The following KLHL32 variants were observed in gnomAD, a reference collection of about 807,000 sequenced individuals.
The protein encoded by KLHL32 is kelch-like protein 32.
KLHL32 carries 35 observed loss-of-function variants against 64.8 expected under a neutral mutation model. The observed-to-expected ratio is 0.54, with a 90% CI of 0.41 to 0.72. The LOEUF is 0.72. Ranked by LOEUF, KLHL32 falls within the 30% of genes least tolerant of loss-of-function variation. KLHL32 has a pLI of 0.00. For synonymous variants in KLHL32, 259 were observed against 281.0 expected, an observed-to-expected ratio of 0.92 and a Z score of 0.78; for missense variants, 589 against 768.5, an observed-to-expected ratio of 0.77 and a Z score of 2.76.
chr6:97,073,116 T>G (rs1163406553), intron 5 of KLHL32, among the ~76,000 whole-genome samples: 1 of 152,206 alleles, frequency 6.6e-6, no homozygotes, highest in Admixed American at 6.5e-5. Context: ...ATTCCTCTAT[T>G]AATTCCACAG....
At chr6:96,918,145 G>T in the KLHL32 span, among the ~76,000 whole-genome samples, 1 of 152,232 alleles carries the variant, frequency 6.6e-6, no homozygotes, top group Non-Finnish European at 1.5e-5. Context: ...AAAACGGAAA[G>T]AGCTGCTGTC....
chr6:97,017,781 A>G (rs1427348665), intron 3 of KLHL32, among the ~76,000 whole-genome samples: 1 of 152,134 alleles, frequency 6.6e-6, no homozygotes, highest in African/African-American at 2.4e-5. Context: ...GTATGACTAG[A>G]AGGACACAAT....
At chr6:96,990,566 G>A (rs187427984) in intron 3 of KLHL32, among the ~76,000 whole-genome samples, 3 of 152,316 alleles carry the variant, frequency 2.0e-5, no homozygotes, top group Non-Finnish European at 2.9e-5. Flanking sequence ...GCACACTGCA[G>A]CTCTGGGGTG....
rs1174121617 is a variant in KLHL32, at chr6:96,966,921, T to G, written c.-65-75T>G. ...CTGTCTCCCTGGAATTCAGAAACTT[T>G]AGCATCAGGAAGACCCAGAGTGTGC... On this transcript the variant is annotated intron_variant, in intron 1 of 10. Transcript: ENST00000369261. 10 of 672,690 alleles carry G rather than the reference T, an allele frequency of 1.5e-5. No homozygotes were observed. The East Asian group carries it at 2.5e-4, about 17-fold the overall frequency. 41.7% of individuals were successfully genotyped at this position (672,690 alleles called of 1,614,324 possible).
Position 97,118,746 on chromosome 6 carries a change from T to A in KLHL32, c.1354+4237T>A, listed in dbSNP as rs143969027. On this transcript the variant is annotated intron_variant, in intron 7 of 10. Coordinates refer to ENST00000369261, the MANE Select transcript of KLHL32 (RefSeq NM_052904.4). ...ACACACAAAACTTGTGCTGCATTTC[T>A]TATCCATGATGAGATGCTGAGCTCA... Among the ~76,000 whole-genome samples, 423 of 152,266 alleles carry A rather than the reference T, an allele frequency of 2.8e-3. 1 individual carries two copies. The highest frequency in any genetic ancestry group is 0.017 in the Middle Eastern group (5 of 290).
At chr6:96,979,477 A>G (rs986901562) in intron 3 of KLHL32, among the ~76,000 whole-genome samples, 3 of 152,078 alleles carry the variant, frequency 2.0e-5, no homozygotes, top group Non-Finnish European at 4.4e-5. Context: ...TGGGCTCTCT[A>G]TTCTGTTCCA....
chr6:96,966,355 A>G (rs2128032403), intron 1 of KLHL32, among the ~76,000 whole-genome samples: 1 of 152,348 alleles, frequency 6.6e-6, no homozygotes, highest in Non-Finnish European at 1.5e-5. Context: ...GGCAGGGACT[A>G]AATGAATAAA....
intron 6 of KLHL32, among the ~76,000 whole-genome samples, chr6:97,103,432 C>G (rs895963464): frequency 2.2e-4 from 33 of 152,130 alleles, no homozygotes; most frequent in African/African-American, 7.7e-4. Context: ...CCAGGATGGT[C>G]TCGATCTCCT....
At chr6:96,980,187 T>G (rs1172530514) in intron 3 of KLHL32, among the ~76,000 whole-genome samples, 1 of 152,200 alleles carries the variant, frequency 6.6e-6, no homozygotes, top group Non-Finnish European at 1.5e-5. Flanking sequence ...TGGCTAGGAC[T>G]TCCAGTACTA....
chr6:96,992,472 G>C (rs376665248), intron 3 of KLHL32, among the ~76,000 whole-genome samples: 2 of 152,222 alleles, frequency 1.3e-5, no homozygotes, highest in Non-Finnish European at 1.5e-5. Flanking sequence ...TTCTCTCTCT[G>C]AGAGCAATGC....
rs148102038 is a variant in KLHL32, at chr6:96,959,502, G to A, written c.-65-7494G>A. 4.6e-5 allele frequency among the ~76,000 whole-genome samples: 7 copies of A among 152,228 alleles called. No homozygotes were observed. In the East Asian group the frequency reaches 9.6e-4, roughly 21 times the overall value. The stretch of plus-strand genomic sequence containing the variant: ...CTGCCTTCTCCCTGTGTCCTCACGC[G>A]GTCTTTCATTTGTATTTGCATGTGT... On this transcript the variant is annotated intron_variant, in intron 1 of 10. Transcript: ENST00000369261.
At chr6:96,986,466 A>C (rs1777077919) in intron 3 of KLHL32, among the ~76,000 whole-genome samples, 1 of 152,194 alleles carries the variant, frequency 6.6e-6, no homozygotes, top group Admixed American at 6.5e-5. Flanking sequence ...CCCTGCCCCC[A>C]GAGGTGGAGT....
At chr6:96,934,528 C>T (rs1165286760) in intron 1 of KLHL32, among the ~76,000 whole-genome samples, 1 of 152,216 alleles carries the variant, frequency 6.6e-6, no homozygotes, top group African/African-American at 2.4e-5. Context: ...ATTTAAACAA[C>T]ACAAACAATT....
At chr6:97,106,150 C>A (rs1170863279) in intron 6 of KLHL32, among the ~76,000 whole-genome samples, 1 of 151,934 alleles carries the variant, frequency 6.6e-6, no homozygotes, top group East Asian at 1.9e-4. Flanking sequence ...TTCACATGAA[C>A]AATAAAGGAA....
At chr6:96,970,015 T>C (rs1320515572) in intron 2 of KLHL32, among the ~76,000 whole-genome samples, 2 of 152,210 alleles carry the variant, frequency 1.3e-5, no homozygotes, top group African/African-American at 4.8e-5. Context: ...TATAGGTGTC[T>C]TCTGGAAATC....
chr6:96,950,039 AGT>A (rs1482951152), intron 1 of KLHL32, among the ~76,000 whole-genome samples: 1 of 152,146 alleles, frequency 6.6e-6, no homozygotes, highest in Non-Finnish European at 1.5e-5. Flanking sequence ...ACAGAGCCAC[AGT>A]GTATTTTTCA....
At chr6:96,985,692 G>A (rs1205710431) in intron 3 of KLHL32, among the ~76,000 whole-genome samples, 2 of 152,116 alleles carry the variant, frequency 1.3e-5, no homozygotes, top group Non-Finnish European at 2.9e-5. Flanking sequence ...CATTTGTCAC[G>A]TAGTTCTCGT....
At chr6:97,057,001 A>C (rs998378564) in intron 4 of KLHL32, among the ~76,000 whole-genome samples, 5 of 152,320 alleles carry the variant, frequency 3.3e-5, no homozygotes, top group African/African-American at 1.2e-4. Context: ...ATTTATACTT[A>C]AATTTGAATT....
intron 1 of KLHL32, among the ~76,000 whole-genome samples, chr6:96,925,958 G>GT (rs145294965): frequency 0.065 from 9,871 of 151,550 alleles, 396 homozygotes; most frequent in Middle Eastern, 0.14. Flanking sequence ...TTTGCTTTTT[G>GT]TTTTTTTTCT....
Sources: allele counts gnomAD v4.1 joint callset (sites outside exome capture counted in the v4.1 genomes callset), GRCh38; gene constraint gnomAD v4.1.1; transcripts MANE v1.5; gene names NCBI Gene and HGNC (gene_info 2026-07-23, HGNC 2026-07-21).